PALS2: variants seen among roughly 807,000 people sequenced by gnomAD.
PALS2 encodes protein associated with LIN7 2, MAGUK p55 family member.
Under a neutral mutation model 61.6 loss-of-function variants are expected in PALS2, and 27 were observed. The observed-to-expected ratio is 0.44, with a 90% CI of 0.32 to 0.60. The LOEUF (loss-of-function observed/expected upper bound fraction) is 0.60. Among genes scored for constraint, PALS2 ranks in the 20% least tolerant of loss-of-function variants. The pLI, the probability that PALS2 is intolerant of heterozygous loss-of-function variation, is 0.05. For synonymous variants in PALS2, 236 were observed against 218.6 expected, an observed-to-expected ratio of 1.08 and a Z score of -0.70; for missense variants, 554 against 639.4, an observed-to-expected ratio of 0.87 and a Z score of 1.44.
intron 3 of PALS2, among the ~76,000 whole-genome samples, chr7:24,643,559 C>T (rs1785674375): frequency 6.6e-6 from 1 of 152,076 alleles, no homozygotes; most frequent in Non-Finnish European, 1.5e-5. Context: ...AATACACACA[C>T]CATATTCAGA....
intron 2 of PALS2, among the ~76,000 whole-genome samples, chr7:24,628,252 C>G (rs1473866811): frequency 6.6e-6 from 1 of 152,096 alleles, no homozygotes; most frequent in Non-Finnish European, 1.5e-5. Context: ...ATAAGCAGAA[C>G]CAATGATGAA....
intron 1 of PALS2, among the ~76,000 whole-genome samples, chr7:24,584,054 T>C: frequency 1.3e-5 from 2 of 149,928 alleles, no homozygotes; most frequent in Admixed American, 6.7e-5. Context: ...CTTAATCCAG[T>C]CTATCATTGT....
intron 1 of PALS2, among the ~76,000 whole-genome samples, chr7:24,601,961 A>T (rs1203484414): frequency 2.0e-5 from 3 of 152,108 alleles, no homozygotes; most frequent in Non-Finnish European, 4.4e-5. Flanking sequence ...AGCAACTTAC[A>T]TCTTTCATTT....
chr7:24,645,388 G>T (rs1435444722), intron 3 of PALS2, among the ~76,000 whole-genome samples: 1 of 152,080 alleles, frequency 6.6e-6, no homozygotes, highest in Non-Finnish European at 1.5e-5. Context: ...TTTCCCCGTT[G>T]TTTGTTTTTG....
intron 5 of PALS2, among the ~76,000 whole-genome samples, chr7:24,660,563 T>A (rs957195115): frequency 1.1e-4 from 17 of 151,726 alleles, no homozygotes; most frequent in Non-Finnish European, 2.2e-4. Context: ...CACACACACT[T>A]TTTTAACGAC....
At chr7:24,641,682 G>T in intron 2 of PALS2, 34 bp from the exon 3 acceptor site, 1 of 1,514,124 alleles carries the variant, frequency 6.6e-7, no homozygotes, top group South Asian at 1.2e-5. Flanking sequence ...TAACAAATAA[G>T]TATTACTACT....
At chr7:24,662,805 G>C (rs1467934059) in intron 5 of PALS2, among the ~76,000 whole-genome samples, 2 of 120,122 alleles carry the variant, frequency 1.7e-5, no homozygotes. Flanking sequence ...AAGAAAGAAA[G>C]AAAGACAGCA....
rs1293446798 is a variant in PALS2 at position 24,691,403 on chromosome 7, GTGTA to G, written c.*3791_*3794del. 16 of 108,054 alleles carry G rather than the reference GTGTA, an allele frequency of 1.5e-4. No individual in the cohort carries two copies. Among genetic ancestry groups the G allele is most frequent in the Non-Finnish European group, 2.7e-4 (13 of 48,648 alleles). 6.7% of individuals were successfully genotyped at this position (108,054 alleles called of 1,614,324 possible). A position where few individuals can be genotyped will look rare whatever the true frequency, so the allele number is the denominator to read the frequency against. ...ATATATTATGTATGTGTGTGTGTGT[GTGTA>G]TATATATATATATATATATATATAT... is the stretch of plus-strand genomic sequence containing the variant. On this transcript the variant is annotated 3_prime_UTR_variant, in exon 12 of 12. Transcript: ENST00000222644.
At chr7:24,607,662 TACACAC>T (rs961006603) in intron 1 of PALS2, among the ~76,000 whole-genome samples, 1 of 151,636 alleles carries the variant, frequency 6.6e-6, no homozygotes, top group African/African-American at 2.4e-5. Context: ...TGCGTATGTA[TACACAC>T]ACATATACAT....
In PALS2 at chr7:24,573,593, G is replaced by C; in HGVS notation, c.-3G>C. On this transcript the variant is annotated splice_region_variant and 5_prime_UTR_variant, in exon 1 of 12. Transcript: ENST00000222644. This position sits in a 1 kb window ranked among gnomAD's most constrained non-coding sequence, Gnocchi z 5.3. ...CGCGGAGGCGGCTGAGGTGCGAGCC[G>C]GTGAGTTAACTGGACCCCCACGCCG... 1 of 371,830 alleles carries C rather than the reference G, an allele frequency of 2.7e-6. No homozygotes were observed. Among genetic ancestry groups the C allele is most frequent in the South Asian group, 1.3e-4 (1 of 7,616 alleles). The allele number at this position is 371,830 out of a possible 1,614,324, so 23.0% of individuals were successfully genotyped here.
intron 3 of PALS2, among the ~76,000 whole-genome samples, chr7:24,645,626 T>C (rs1337519849): frequency 1.3e-5 from 2 of 151,918 alleles, no homozygotes; most frequent in Non-Finnish European, 2.9e-5. Flanking sequence ...ATATGAATTT[T>C]AAAATATTTT....
chr7:24,689,481 A>G lies in PALS2; in HGVS notation c.*1867A>G, dbSNP rs1239402404. 1 of 152,158 alleles carries G rather than the reference A, an allele frequency of 6.6e-6. No individual in the cohort carries two copies. The highest frequency in any genetic ancestry group is 1.5e-5 in the Non-Finnish European group (1 of 68,028). The allele number at this position is 152,158 out of a possible 1,614,324, so 9.4% of individuals were successfully genotyped here. On this transcript the variant is annotated 3_prime_UTR_variant, in exon 12 of 12. Coordinates refer to ENST00000222644, the MANE Select transcript of PALS2 (RefSeq NM_001303037.2). Reference sequence around the variant, plus strand: ...ACTTTGAAGGAAAAGAAAATATATGACAATAGGCAGTATTGACACATTGTT... The same window carrying G: ...ACTTTGAAGGAAAAGAAAATATATGGCAATAGGCAGTATTGACACATTGTT...
chr7:24,605,231 AT>A (rs1275215853), intron 1 of PALS2, among the ~76,000 whole-genome samples: 1 of 152,204 alleles, frequency 6.6e-6, no homozygotes, highest in Non-Finnish European at 1.5e-5. Context: ...TCATTGTGAT[AT>A]GGGCAATATT....
At chr7:24,616,810 A>T (rs1355650209) in intron 1 of PALS2, among the ~76,000 whole-genome samples, 23 of 152,058 alleles carry the variant, frequency 1.5e-4, no homozygotes, top group Admixed American at 1.5e-3. Flanking sequence ...TTCTTCGTCT[A>T]TGACTTGATG....
intron 1 of PALS2, among the ~76,000 whole-genome samples, chr7:24,614,888 C>CAA (rs1784237372): frequency 1.3e-5 from 2 of 151,802 alleles, no homozygotes; most frequent in Non-Finnish European, 2.9e-5. Context: ...ACATTTATGA[C>CAA]CATATGTTAG....
intron 1 of PALS2, among the ~76,000 whole-genome samples, chr7:24,579,515 A>G (rs1782758288): frequency 6.6e-6 from 1 of 152,162 alleles, no homozygotes; most frequent in African/African-American, 2.4e-5. Context: ...TCCTCCCCCA[A>G]AAAGAGATAC....
intron 1 of PALS2, among the ~76,000 whole-genome samples, chr7:24,576,750 T>C (rs1415677994): frequency 1.3e-5 from 2 of 152,144 alleles, no homozygotes; most frequent in East Asian, 1.9e-4. Flanking sequence ...GTGAAGTGTA[T>C]CTATATCCAA....
chr7:24,659,253 T>A (rs1370561484), intron 5 of PALS2, among the ~76,000 whole-genome samples: 2 of 152,236 alleles, frequency 1.3e-5, no homozygotes, highest in Non-Finnish European at 2.9e-5. Flanking sequence ...CCACCATTAT[T>A]GGGCGCCTAG....
chr7:24,671,426 G>T lies in PALS2; in HGVS notation c.1114+2766G>T, dbSNP rs531009465. 5.9e-5 allele frequency among the ~76,000 whole-genome samples: 9 copies of T among 152,214 alleles called. No individual in the cohort carries two copies. In the South Asian group the frequency reaches 1.2e-3, roughly 21 times the overall value. Reference sequence around the variant, plus strand: ...AGGTCATATTATATTCTGGGTACAGGTTCCTTGTTAGATATGATTTGCACG... The same window carrying T: ...AGGTCATATTATATTCTGGGTACAGTTTCCTTGTTAGATATGATTTGCACG... On this transcript the variant is annotated intron_variant, in intron 9 of 11. Transcript: ENST00000222644.
Sources: gnomAD v4.1 joint callset for allele counts (sites outside exome capture counted in the v4.1 genomes callset) on GRCh38, gnomAD v4.1.1 for gene constraint, Gnocchi (gnomAD v3.1) non-coding constraint, MANE v1.5 for transcripts, NCBI Gene and HGNC (gene_info 2026-07-23, HGNC 2026-07-21) for gene names.